Variants in LRFN2 observed in about 807,000 individuals in gnomAD.
The protein encoded by LRFN2 is leucine-rich repeat and fibronectin type-III domain-containing protein 2.
In LRFN2, 18 loss-of-function variants were observed where a neutral mutation model predicts 37.3. The ratio of observed to expected loss-of-function variants is 0.48; its 90% confidence interval spans 0.33 to 0.72. The LOEUF is 0.72. Ranked by LOEUF, LRFN2 falls within the 30% of genes least tolerant of loss-of-function variation. The pLI is 0.02. For missense variants in LRFN2, 1,006 were observed against 1,060.7 expected (o/e 0.95, Z 0.72); for synonymous variants, 556 against 466.6 (o/e 1.19, Z -2.47).
rs984524142 is a variant in LRFN2, at chr6:40,397,051, C to T, written c.1401-4139G>A. Among the ~76,000 whole-genome samples, 8 of 152,298 alleles carry T rather than the reference C, an allele frequency of 5.3e-5. No homozygotes were observed. The South Asian group carries it at 1.7e-3, about 32-fold the overall frequency. ...CAGGTCCATTGCATCCCACAGCCCA[C>T]ACTTCTTAAAAGCAAGACACTTCTG... On this transcript the variant is annotated intron_variant, in intron 2 of 2. Coordinates refer to ENST00000338305, the MANE Select transcript of LRFN2 (RefSeq NM_020737.3).
At chr6:40,498,908 G>A (rs1490111829) in intron 1 of LRFN2, among the ~76,000 whole-genome samples, 1 of 152,190 alleles carries the variant, frequency 6.6e-6, no homozygotes, top group Non-Finnish European at 1.5e-5. Context: ...CAGGAAGCAT[G>A]CTTGGGACTA....
chr6:40,439,255 T>C (rs1763773869), intron 1 of LRFN2, among the ~76,000 whole-genome samples: 1 of 152,188 alleles, frequency 6.6e-6, no homozygotes, highest in South Asian at 2.1e-4. Context: ...GATGCCTGTC[T>C]CCGCTTCAGG....
At chr6:40,553,727 T>G (rs1445341013) in intron 1 of LRFN2, among the ~76,000 whole-genome samples, 1 of 152,226 alleles carries the variant, frequency 6.6e-6, no homozygotes, top group Non-Finnish European at 1.5e-5. Context: ...ATTATAAAGA[T>G]GAAATACACT....
chr6:40,412,007 G>T (rs907723227), intron 2 of LRFN2, among the ~76,000 whole-genome samples: 1 of 152,138 alleles, frequency 6.6e-6, no homozygotes, highest in Non-Finnish European at 1.5e-5. Flanking sequence ...TGCATGTAAC[G>T]TGGGGAGGAG....
chr6:40,483,647 T>A (rs1764884230), intron 1 of LRFN2, among the ~76,000 whole-genome samples: 2 of 152,148 alleles, frequency 1.3e-5, no homozygotes, highest in African/African-American at 4.8e-5. Flanking sequence ...CCCCATTTTA[T>A]CTCTAGGGAA....
At position 40,392,294 on chromosome 6, in the gene LRFN2, C is replaced by T; in HGVS notation, c.2019G>A (p.Leu673=). 1 of 1,608,726 alleles carries T rather than the reference C, an allele frequency of 6.2e-7. No individual in the cohort carries two copies. Among genetic ancestry groups the T allele is most frequent in the Non-Finnish European group, 8.5e-7 (1 of 1,178,004 alleles). ...TCCCGGCTGGAGTCCTGGAGTCCAG[C>T]AGCTCCTCCTTTCTCTGACTCTTGA... is the stretch of plus-strand genomic sequence containing the variant. ...LDLKSQRKEE[L]LDSRTPAGRG... The change falls in exon 3 of 3, where the codon CTG becomes CTA. Residue 673 remains leucine, a synonymous_variant. Transcript: ENST00000338305. The surrounding 1 kb of genome is among the most constrained non-coding windows in gnomAD (Gnocchi z 4.7).
chr6:40,550,088 TGAG>T (rs1373497287), intron 1 of LRFN2, among the ~76,000 whole-genome samples: 4 of 152,046 alleles, frequency 2.6e-5, no homozygotes, highest in African/African-American at 9.7e-5. Context: ...TTTCTGGCAG[TGAG>T]GACAATTACT....
chr6:40,454,419 G>A (rs1764191588), intron 1 of LRFN2, among the ~76,000 whole-genome samples: 1 of 152,150 alleles, frequency 6.6e-6, no homozygotes, highest in African/African-American at 2.4e-5. Context: ...ATTAGAGAAA[G>A]TATGAAAATA....
At chr6:40,419,935 C>T (rs1293632865) in intron 2 of LRFN2, among the ~76,000 whole-genome samples, 1 of 152,362 alleles carries the variant, frequency 6.6e-6, no homozygotes, top group East Asian at 1.9e-4. Context: ...AACTGAGAAG[C>T]TCCTTTACTT....
intron 2 of LRFN2, among the ~76,000 whole-genome samples, chr6:40,393,524 C>T (rs1221089340): frequency 1.3e-5 from 2 of 151,902 alleles, no homozygotes; most frequent in Admixed American, 6.6e-5. Context: ...AGAGGACACA[C>T]AGGGACAGGC....
At chr6:40,445,634 G>T (rs776099467) in intron 1 of LRFN2, among the ~76,000 whole-genome samples, 8 of 152,198 alleles carry the variant, frequency 5.3e-5, no homozygotes, top group Non-Finnish European at 1.0e-4. Flanking sequence ...GACAATTACA[G>T]AAACCTTTTA....
chr6:40,504,557 T>C lies in LRFN2; in HGVS notation c.-18-71426A>G, dbSNP rs1284282581. ...TGAGAAAAGAAGCACATTCTGGAGC[T>C]GTGGGCAAATGAGAGCCTCCTCCCC... is the stretch of plus-strand genomic sequence containing the variant. On this transcript the variant is annotated intron_variant, in intron 1 of 2. Coordinates refer to ENST00000338305, the MANE Select transcript of LRFN2 (RefSeq NM_020737.3). 1.3e-5 allele frequency among the ~76,000 whole-genome samples: 2 copies of C among 152,122 alleles called. 1 individual carries two copies.
At chr6:40,473,685 T>A (rs1435152707) in intron 1 of LRFN2, among the ~76,000 whole-genome samples, 1 of 152,192 alleles carries the variant, frequency 6.6e-6, no homozygotes, top group African/African-American at 2.4e-5. Context: ...TCATCTAGAA[T>A]TTAAGCCCCA....
chr6:40,494,365 C>T (rs900536369), intron 1 of LRFN2, among the ~76,000 whole-genome samples: 3 of 152,130 alleles, frequency 2.0e-5, no homozygotes, highest in Admixed American at 6.5e-5. Flanking sequence ...GCTTAGTTTC[C>T]CCACCCCCGT....
At chr6:40,535,661 T>C (rs1253587464) in intron 1 of LRFN2, among the ~76,000 whole-genome samples, 3 of 152,154 alleles carry the variant, frequency 2.0e-5, no homozygotes, top group Non-Finnish European at 4.4e-5. Context: ...CAGGTTGATC[T>C]GTCTGTTAAC....
At chr6:40,580,943 A>G (rs1207088842) in intron 1 of LRFN2, among the ~76,000 whole-genome samples, 2 of 152,138 alleles carry the variant, frequency 1.3e-5, no homozygotes, top group South Asian at 2.1e-4. Context: ...GTATAAGTAT[A>G]TGTGTGGGCA....
chr6:40,477,167 G>A (rs755507117), intron 1 of LRFN2, among the ~76,000 whole-genome samples: 3 of 152,210 alleles, frequency 2.0e-5, no homozygotes, highest in Non-Finnish European at 2.9e-5. Flanking sequence ...GAGTATTTTG[G>A]ATATTTTTTA....
At chr6:40,563,794 C>T (rs1250427275) in intron 1 of LRFN2, among the ~76,000 whole-genome samples, 1 of 152,174 alleles carries the variant, frequency 6.6e-6, no homozygotes, top group African/African-American at 2.4e-5. Flanking sequence ...GCCCTGTCAT[C>T]AAGGTCTTCA....
In LRFN2 at chr6:40,521,092, G is replaced by C. The variant is rs205527; in HGVS notation, c.-19+65849C>G. ...AGAGAGACACAACTAGAGTCAGAGA[G>C]GACTGTGCAGCCGGAAGGAAAGAGA... On this transcript the variant is annotated intron_variant, in intron 1 of 2. Coordinates refer to ENST00000338305, the MANE Select transcript of LRFN2 (RefSeq NM_020737.3). Among the ~76,000 whole-genome samples, 307 of 152,248 alleles carry C rather than the reference G, an allele frequency of 2.0e-3. 2 individuals are homozygous for C. Among genetic ancestry groups the C allele is most frequent in the African/African-American group, 7.1e-3 (294 of 41,540 alleles).
Sources: gnomAD v4.1 joint callset for allele counts (sites outside exome capture counted in the v4.1 genomes callset) on GRCh38, gnomAD v4.1.1 for gene constraint, Gnocchi (gnomAD v3.1) non-coding constraint, MANE v1.5 for transcripts, NCBI Gene and HGNC (gene_info 2026-07-23, HGNC 2026-07-21) for gene names.